Variants in JMY observed in about 807,000 individuals in gnomAD.
JMY encodes the protein junction mediating and regulatory protein, p53 cofactor, also known as junction-mediating and -regulatory protein.
In JMY, 46 loss-of-function variants were observed where a neutral mutation model predicts 103.3. That is an observed-to-expected ratio of 0.45 (90% CI 0.35 to 0.57). JMY has a LOEUF of 0.57. Among genes scored for constraint, JMY ranks in the 20% least tolerant of loss-of-function variants. The pLI, the probability that JMY is intolerant of heterozygous loss-of-function variation, is 0.00. For missense variants in JMY, 1,238 were observed against 1,255.2 expected (o/e 0.99, Z 0.21); for synonymous variants, 526 against 489.3 (o/e 1.07, Z -0.99).
intron 4 of JMY, among the ~76,000 whole-genome samples, chr5:79,299,325 C>T (rs1432974268): frequency 1.3e-5 from 2 of 152,162 alleles, no homozygotes; most frequent in African/African-American, 4.8e-5. Context: ...CTTGAAAAGC[C>T]ATTCCTTTGG....
At chr5:79,295,880 C>T (rs2112102957) in intron 4 of JMY, among the ~76,000 whole-genome samples, 1 of 152,342 alleles carries the variant, frequency 6.6e-6, no homozygotes. Flanking sequence ...GTAGGTTCCA[C>T]TCTAAAGGCC....
intron 1 of JMY, among the ~76,000 whole-genome samples, chr5:79,254,114 T>C (rs1324817588): frequency 7.3e-6 from 1 of 137,472 alleles, no homozygotes; most frequent in Admixed American, 6.9e-5. Flanking sequence ...GCCCAGCTAT[T>C]TTTTTTTTTT....
chr5:79,318,316 A>C (rs188089050), intron 10 of JMY, among the ~76,000 whole-genome samples: 9 of 151,902 alleles, frequency 5.9e-5, no homozygotes, highest in Admixed American at 2.6e-4. Flanking sequence ...TGCCTGGCCC[A>C]AAAAAAAGAA....
At chr5:79,310,057 C>CTTTTTTTTTTTTTTT (rs55994052) in intron 7 of JMY, among the ~76,000 whole-genome samples, 1 of 73,666 alleles carries the variant, frequency 1.4e-5, no homozygotes, top group Non-Finnish European at 2.3e-5. Context: ...CTTTCTTTTC[C>CTTTTTTTTTTTTTTT]TTTTTTTTTT....
intron 2 of JMY, among the ~76,000 whole-genome samples, chr5:79,283,734 C>CCTCA (rs757790946): frequency 2.0e-5 from 3 of 152,122 alleles, no homozygotes; most frequent in Non-Finnish European, 4.4e-5. Flanking sequence ...TAGGAATGGA[C>CCTCA]CTCAGCAATC....
At chr5:79,290,308 T>TGGGG in intron 3 of JMY, 37 bp downstream of exon 3, 2 of 1,285,324 alleles carry the variant, frequency 1.6e-6, no homozygotes, top group Non-Finnish European at 2.1e-6. Context: ...TAGGTATTTT[T>TGGGG]GAAAATGAGT....
Position 79,274,814 on chromosome 5 carries a change from A to G in JMY, c.1033-3096A>G, listed in dbSNP as rs181884918. 3.6e-3 allele frequency among the ~76,000 whole-genome samples: 543 copies of G among 152,240 alleles called. 1 individual carries two copies. Among genetic ancestry groups the G allele is most frequent in the African/African-American group, 0.012 (498 of 41,544 alleles). On this transcript the variant is annotated intron_variant, in intron 1 of 10. Transcript: ENST00000396137. ...GAATGATAAATTGTAGAGCCTCTGGATTCTGTTATGTTCCCTCAGAGTGTT... is the reference window on the plus strand; with the variant it reads ...GAATGATAAATTGTAGAGCCTCTGGGTTCTGTTATGTTCCCTCAGAGTGTT...
At chr5:79,257,784 C>T (rs954250128) in intron 1 of JMY, among the ~76,000 whole-genome samples, 14 of 151,234 alleles carry the variant, frequency 9.3e-5, no homozygotes, top group African/African-American at 1.7e-4. Context: ...TTTTTGGAGA[C>T]GGAGTCTTAC....
chr5:79,241,855 T>G (rs1405824657), intron 1 of JMY, among the ~76,000 whole-genome samples: 1 of 152,188 alleles, frequency 6.6e-6, no homozygotes, highest in Non-Finnish European at 1.5e-5. Context: ...TGAATGCAGG[T>G]GCCACCAAGA....
rs1395644757 is a variant in JMY, at chr5:79,270,587, A to G, written c.1033-7323A>G. On this transcript the variant is annotated intron_variant, in intron 1 of 10. Transcript: ENST00000396137. ...ATATTTAAAATGTATATTTACATAA[A>G]TATTTAAAATGTATATTTACATAAA... is the stretch of plus-strand genomic sequence containing the variant. Among the ~76,000 whole-genome samples, 3 of 54,950 alleles carry G rather than the reference A, an allele frequency of 5.5e-5. 1 individual carries two copies. Among genetic ancestry groups the G allele is most frequent in the African/African-American group, 1.9e-4 (3 of 15,504 alleles). 36.0% of individuals were successfully genotyped at this position (54,950 alleles called of 152,430 possible). A position where few individuals can be genotyped will look rare whatever the true frequency, so the allele number is the denominator to read the frequency against.
At chr5:79,249,403 G>A (rs560931446) in intron 1 of JMY, among the ~76,000 whole-genome samples, 15 of 152,326 alleles carry the variant, frequency 9.8e-5, no homozygotes, top group African/African-American at 3.6e-4. Context: ...AAAAGGAAAT[G>A]ATATGCCAGC....
chr5:79,315,030 G>T (rs1409710835), intron 9 of JMY, among the ~76,000 whole-genome samples, 179 bp downstream of exon 9: 2 of 152,154 alleles, frequency 1.3e-5, no homozygotes, highest in Non-Finnish European at 2.9e-5. Context: ...AGAAATGTAT[G>T]CCTTCTTGGG....
chr5:79,246,963 A>G (rs1744924558), intron 1 of JMY, among the ~76,000 whole-genome samples: 1 of 152,170 alleles, frequency 6.6e-6, no homozygotes, highest in Non-Finnish European at 1.5e-5. Context: ...ACTTTGATTA[A>G]TATTTGTATC....
intron 2 of JMY, among the ~76,000 whole-genome samples, chr5:79,281,769 C>CAGCT (rs1746123835): frequency 6.6e-6 from 1 of 152,164 alleles, no homozygotes; most frequent in Admixed American, 6.5e-5. Context: ...GAGGTGTATA[C>CAGCT]AGCTGTCAAA....
chr5:79,307,482 C>T (rs185115233), intron 7 of JMY, among the ~76,000 whole-genome samples: 6 of 151,760 alleles, frequency 4.0e-5, no homozygotes, highest in South Asian at 4.2e-4. Flanking sequence ...TGTGTGGGTG[C>T]GTGTGTGTGT....
chr5:79,285,102 T>C (rs1000649797), intron 2 of JMY, among the ~76,000 whole-genome samples: 1 of 152,196 alleles, frequency 6.6e-6, no homozygotes, highest in African/African-American at 2.4e-5. Context: ...TTTTAAATAC[T>C]TCCTGAAAGT....
chr5:79,237,604 G>C lies in JMY; in HGVS notation c.954G>C (p.Glu318Asp). The C allele has an allele frequency of 6.2e-7, 1 of 1,613,836 alleles. No individual in the cohort carries two copies. Among genetic ancestry groups the C allele is most frequent in the Non-Finnish European group, 8.5e-7 (1 of 1,180,028 alleles). Residue 318 changes from glutamate (E) to aspartate (D), a missense_variant, in exon 1 of 11, where the codon GAG (glutamate) becomes GAC (aspartate). Transcript: ENST00000396137. ...TCACCGAGACCGATGATCCCGAGGAGTATTACGAAAGCCTCAGCGAGCTGC... is the reference window on the plus strand; with the variant it reads ...TCACCGAGACCGATGATCCCGAGGACTATTACGAAAGCCTCAGCGAGCTGC... ...VLFTETDDPE[E>D]YYESLSELRQ...
At chr5:79,267,571 C>A (rs763029540) in intron 1 of JMY, among the ~76,000 whole-genome samples, 6 of 152,188 alleles carry the variant, frequency 3.9e-5, no homozygotes, top group Non-Finnish European at 7.3e-5. Flanking sequence ...CATTTCTTTT[C>A]CCTTTTAAAA....
chr5:79,308,961 T>G (rs1746966668), intron 7 of JMY, among the ~76,000 whole-genome samples: 1 of 152,166 alleles, frequency 6.6e-6, no homozygotes, highest in Non-Finnish European at 1.5e-5. Flanking sequence ...GAGGTGGTAA[T>G]ATAAATAGTA....
Sources: gnomAD v4.1 joint callset for allele counts (sites outside exome capture counted in the v4.1 genomes callset) on GRCh38, gnomAD v4.1.1 for gene constraint, MANE v1.5 for transcripts, NCBI Gene and HGNC (gene_info 2026-07-23, HGNC 2026-07-21) for gene names.